PCBD2: variants seen among roughly 807,000 people sequenced by gnomAD.
The protein encoded by PCBD2 is pterin-4-alpha-carbinolamine dehydratase 2.
In PCBD2, 12 loss-of-function variants were observed where a neutral mutation model predicts 16.4. That is an observed-to-expected ratio of 0.73 (90% CI 0.47 to 1.19). PCBD2 has a LOEUF of 1.19. Ranked by LOEUF, PCBD2 falls within the 50% of genes most tolerant of loss-of-function variation. PCBD2 has a pLI of 0.00. For missense variants in PCBD2, 138 were observed against 156.8 expected (o/e 0.88, Z 0.64); for synonymous variants, 58 against 61.8 (o/e 0.94, Z 0.29).
rs545058648 is a variant in PCBD2, at chr5:134,960,969, G to T, written c.*288G>T. 8.7e-6 allele frequency: 2 copies of T among 230,000 alleles called. No individual in the cohort carries two copies. Among genetic ancestry groups the T allele is most frequent in the African/African-American group, 2.3e-5 (1 of 43,074 alleles). The allele number at this position is 230,000 out of a possible 1,614,324, so 14.2% of individuals were successfully genotyped here. ...TTTAGTATAGACAGGGTTTTACCACGTTGGTCAGGCTGGTCTCGAACTCCT... is the reference window on the plus strand; with the variant it reads ...TTTAGTATAGACAGGGTTTTACCACTTTGGTCAGGCTGGTCTCGAACTCCT... On this transcript the variant is annotated 3_prime_UTR_variant, in exon 4 of 4. Coordinates refer to ENST00000254908, the MANE Select transcript of PCBD2 (RefSeq NM_032151.5).
At chr5:134,954,953 G>T (rs1381029224) in intron 2 of PCBD2, among the ~76,000 whole-genome samples, 2 of 151,906 alleles carry the variant, frequency 1.3e-5, no homozygotes, top group East Asian at 3.9e-4. Context: ...TGTTGGCCAG[G>T]CTGGTCTCTA....
At chr5:134,912,665 A>G (rs1750782999) in intron 2 of PCBD2, among the ~76,000 whole-genome samples, 1 of 152,166 alleles carries the variant, frequency 6.6e-6, no homozygotes, top group African/African-American at 2.4e-5. Context: ...GGCTTGGACA[A>G]TGTTCATGTT....
chr5:134,933,852 GC>G (rs1751126296), intron 2 of PCBD2, among the ~76,000 whole-genome samples: 1 of 152,274 alleles, frequency 6.6e-6, no homozygotes, highest in East Asian at 1.9e-4. Flanking sequence ...AAAAAATCAA[GC>G]CCTTCAAGTT....
intron 2 of PCBD2, among the ~76,000 whole-genome samples, chr5:134,912,416 G>A (rs911487854): frequency 6.6e-6 from 1 of 152,222 alleles, no homozygotes; most frequent in African/African-American, 2.4e-5. Context: ...TTATTGCTGT[G>A]AGGGAGAGTG....
intron 2 of PCBD2, among the ~76,000 whole-genome samples, chr5:134,950,689 T>G (rs1255024670): frequency 1.3e-5 from 2 of 152,236 alleles, no homozygotes; most frequent in African/African-American, 4.8e-5. Flanking sequence ...TTACTGTGAT[T>G]GTATTGCTTA....
intron 2 of PCBD2, among the ~76,000 whole-genome samples, chr5:134,916,557 C>T (rs1197025641): frequency 6.6e-6 from 1 of 152,262 alleles, no homozygotes; most frequent in South Asian, 2.1e-4. Flanking sequence ...GGATGAAAAA[C>T]CTATTTCTTG....
At chr5:134,917,246 G>A (rs1453606147) in intron 2 of PCBD2, among the ~76,000 whole-genome samples, 1 of 152,248 alleles carries the variant, frequency 6.6e-6, no homozygotes, top group Non-Finnish European at 1.5e-5. Context: ...GCTACTACAG[G>A]TGCCAGCAGG....
At chr5:134,956,997 G>A (rs1475899788) in intron 2 of PCBD2, among the ~76,000 whole-genome samples, 1 of 152,210 alleles carries the variant, frequency 6.6e-6, no homozygotes, top group Non-Finnish European at 1.5e-5. Context: ...AGGCATGGTG[G>A]CTCACGCCTA....
intron 2 of PCBD2, among the ~76,000 whole-genome samples, chr5:134,941,119 A>G (rs1298242730): frequency 9.6e-5 from 9 of 93,420 alleles, no homozygotes; most frequent in East Asian, 9.2e-4. Context: ...CATCTCAAGG[A>G]AAAAAAAAAA....
intron 2 of PCBD2, among the ~76,000 whole-genome samples, chr5:134,929,531 C>T (rs538608788): frequency 3.9e-5 from 6 of 152,074 alleles, no homozygotes; most frequent in Admixed American, 1.3e-4. Flanking sequence ...AAGTTGGTTT[C>T]GGTGGGTGGG....
intron 1 of PCBD2, 46 bp downstream of exon 1, chr5:134,905,269 C>T (rs1750670598): frequency 3.3e-6 from 4 of 1,215,022 alleles, no homozygotes; most frequent in South Asian, 4.1e-5. Flanking sequence ...GGTCGGGGGG[C>T]GGTGCGAGGC....
At chr5:134,953,195 C>G (rs1253552459) in intron 2 of PCBD2, among the ~76,000 whole-genome samples, 3 of 151,690 alleles carry the variant, frequency 2.0e-5, no homozygotes, top group African/African-American at 7.2e-5. Flanking sequence ...ATGGCAGAAC[C>G]AAAATACTTT....
At chr5:134,941,490 A>G (rs1201295490) in intron 2 of PCBD2, among the ~76,000 whole-genome samples, 1 of 152,234 alleles carries the variant, frequency 6.6e-6, no homozygotes, top group African/African-American at 2.4e-5. Flanking sequence ...GTTGATAGAG[A>G]GTTCAAAGAT....
chr5:134,920,071 G>A (rs1238406062), intron 2 of PCBD2, among the ~76,000 whole-genome samples: 1 of 152,132 alleles, frequency 6.6e-6, no homozygotes, highest in Non-Finnish European at 1.5e-5. Flanking sequence ...AGGTGGCTGA[G>A]GTTCTTCTTC....
rs1750755936 is a variant in PCBD2, at chr5:134,910,517, G to A, written c.216+51G>A. The stretch of plus-strand genomic sequence containing the variant: ...GCTGTGGTCTATTTTAGTCACCTTA[G>A]GCCATAACACTTTCTGATTCTGCCA... On this transcript the variant is annotated intron_variant, in intron 2 of 3. Transcript: ENST00000254908. 3 of 1,585,956 alleles carry A rather than the reference G, an allele frequency of 1.9e-6. No homozygotes were observed. The South Asian group carries it at 3.4e-5, about 18-fold the overall frequency.
intron 2 of PCBD2, among the ~76,000 whole-genome samples, chr5:134,933,878 G>C (rs1196017752): frequency 6.6e-6 from 1 of 152,198 alleles, no homozygotes; most frequent in East Asian, 1.9e-4. Flanking sequence ...GAGACAGCCA[G>C]AAGGAAAATG....
At position 134,915,309 on chromosome 5, in the gene PCBD2, T is replaced by C. The variant is rs143703540; in HGVS notation, c.216+4843T>C. ...CAGCCTGGGTGACAAAGCGAGACTG[T>C]GTCTCAAAAAAAGAAAAAAAAGGAC... On this transcript the variant is annotated intron_variant, in intron 2 of 3. Transcript: ENST00000254908. Among the ~76,000 whole-genome samples, 805 of 152,064 alleles carry C rather than the reference T, an allele frequency of 5.3e-3. 5 individuals carry two copies. Among genetic ancestry groups the C allele is most frequent in the African/African-American group, 0.018 (741 of 41,480 alleles).
chr5:134,954,933 G>C (rs1435820324), intron 2 of PCBD2, among the ~76,000 whole-genome samples: 1 of 151,800 alleles, frequency 6.6e-6, no homozygotes, highest in Non-Finnish European at 1.5e-5. Flanking sequence ...GTAGAGATGG[G>C]GTTTCTCCAT....
At chr5:134,922,059 G>A (rs1383440758) in intron 2 of PCBD2, among the ~76,000 whole-genome samples, 1 of 152,204 alleles carries the variant, frequency 6.6e-6, no homozygotes, top group African/African-American at 2.4e-5. Context: ...ATGTTCATGA[G>A]AGGTCACCTA....
Sources: allele counts gnomAD v4.1 joint callset (sites outside exome capture counted in the v4.1 genomes callset), GRCh38; gene constraint gnomAD v4.1.1; transcripts MANE v1.5; gene names NCBI Gene and HGNC (gene_info 2026-07-23, HGNC 2026-07-21).